Variants in APMAP observed in about 807,000 individuals in gnomAD.
The protein encoded by APMAP is adipocyte plasma membrane-associated protein.
A neutral mutation model predicts 43.6 loss-of-function variants in APMAP; 33 were observed. That is an observed-to-expected ratio of 0.76 (90% CI 0.57 to 1.01). The LOEUF (loss-of-function observed/expected upper bound fraction) is 1.01, where lower values mean the gene tolerates loss of function less well. Among genes scored for constraint, APMAP ranks in the 50% least tolerant of loss-of-function variants. The pLI, the probability that APMAP is intolerant of heterozygous loss-of-function variation, is 0.00. For synonymous variants in APMAP, 224 were observed against 216.7 expected (o/e 1.03, Z -0.30); for missense variants, 498 against 540.7 (o/e 0.92, Z 0.78).
chr20:24,986,445 C>T (rs1383430640), intron 1 of APMAP, among the ~76,000 whole-genome samples: 1 of 152,208 alleles, frequency 6.6e-6, no homozygotes, highest in South Asian at 2.1e-4. Context: ...GTCAGGTCAA[C>T]CTCTCCCTCC....
At chr20:24,980,792 G>A (rs967659076) in intron 2 of APMAP, among the ~76,000 whole-genome samples, 16 of 151,368 alleles carry the variant, frequency 1.1e-4, no homozygotes, top group African/African-American at 2.2e-4. Context: ...TCTACACACC[G>A]GGCAGTGTGG....
In APMAP at chr20:24,992,683, G is replaced by A; in HGVS notation, c.6C>T (p.Ser2=). Residue 2 remains serine (S), a synonymous_variant, in exon 1 of 9, where the codon AGC becomes AGT. Coordinates refer to ENST00000217456, the MANE Select transcript of APMAP (RefSeq NM_020531.3). M[S]EADGLRQRRP... ...GGCGCTGTCGCAGCCCGTCCGCCTC[G>A]CTCATGGTACGGGCGCCAGCCTCAC... The A allele has an allele frequency of 7.9e-6, 12 of 1,527,838 alleles. No homozygotes were observed. The highest frequency in any genetic ancestry group is 2.0e-5 in the Admixed American group (1 of 51,104). The allele number at this position is 1,527,838 out of a possible 1,614,324, so 94.6% of individuals were successfully genotyped here.
chr20:24,979,175 C>T (rs2088078465), intron 2 of APMAP, among the ~76,000 whole-genome samples: 2 of 152,348 alleles, frequency 1.3e-5, no homozygotes, highest in South Asian at 4.1e-4. Context: ...CTCCCCACCC[C>T]CATCCAATGC....
At chr20:24,975,723 T>C (rs2088045148) in intron 3 of APMAP, among the ~76,000 whole-genome samples, 1 of 152,184 alleles carries the variant, frequency 6.6e-6, no homozygotes, top group African/African-American at 2.4e-5. Context: ...CAATACAATA[T>C]TGAAGGAAAA....
chr20:24,983,079 CAT>C (rs781386826), intron 2 of APMAP, among the ~76,000 whole-genome samples: 24 of 152,262 alleles, frequency 1.6e-4, no homozygotes, highest in Non-Finnish European at 2.9e-4. Context: ...CTCAGCTACA[CAT>C]GTCAATCTAA....
intron 1 of APMAP, among the ~76,000 whole-genome samples, chr20:24,990,245 C>G (rs1001927554): frequency 1.3e-5 from 2 of 152,186 alleles, no homozygotes; most frequent in African/African-American, 4.8e-5. Context: ...ATTTCAAATA[C>G]AGTAATTCAA....
chr20:24,972,608 GGGGTGCTCACTACAGGTGCTTATTGCA>G (rs1284685592), intron 4 of APMAP, among the ~76,000 whole-genome samples: 11 of 151,804 alleles, frequency 7.2e-5, no homozygotes, highest in Non-Finnish European at 1.0e-4. Context: ...TGTTCACTGT[GGGGTGCTCACTACAGGTGCTTATTGCA>G]GGGTGCTCAC....
chr20:24,991,412 A>T (rs945566573), intron 1 of APMAP, among the ~76,000 whole-genome samples: 2 of 152,182 alleles, frequency 1.3e-5, no homozygotes, highest in Non-Finnish European at 2.9e-5. Context: ...GTCCAGGGCA[A>T]CGCAGGATGG....
rs758654243 is a variant in APMAP, at chr20:24,992,711, G to T, written c.-23C>A. On this transcript the variant is annotated 5_prime_UTR_variant, in exon 1 of 9. Transcript: ENST00000217456. ...CATGGTACGGGCGCCAGCCTCACCC[G>T]CAGAAACCACCTCACACTGAGCGGC... The T allele has an allele frequency of 2.7e-6, 4 of 1,491,722 alleles. No individual in the cohort carries two copies. Among genetic ancestry groups the T allele is most frequent in the African/African-American group, 2.8e-5 (2 of 70,756 alleles). 92.4% of individuals were successfully genotyped at this position (1,491,722 alleles called of 1,614,324 possible).
At chr20:24,987,373 C>T (rs2088156508) in intron 1 of APMAP, among the ~76,000 whole-genome samples, 1 of 152,318 alleles carries the variant, frequency 6.6e-6, no homozygotes, top group Middle Eastern at 3.4e-3. Flanking sequence ...GTCTTCCCAC[C>T]TTAGCCTTCC....
intron 2 of APMAP, among the ~76,000 whole-genome samples, chr20:24,983,038 T>C (rs1273103159): frequency 6.6e-6 from 1 of 152,232 alleles, no homozygotes; most frequent in Non-Finnish European, 1.5e-5. Flanking sequence ...CTTGTGCCTT[T>C]ACTATTCTAA....
chr20:24,967,285 G>C (rs1273852881), intron 8 of APMAP, among the ~76,000 whole-genome samples: 1 of 152,104 alleles, frequency 6.6e-6, no homozygotes, highest in Non-Finnish European at 1.5e-5. Context: ...ACAGGGCGAG[G>C]CTCCGTCTCA....
At chr20:24,983,764 T>C in intron 2 of APMAP, 139 bp downstream of exon 2, 1 of 578,702 alleles carries the variant, frequency 1.7e-6, no homozygotes, top group Non-Finnish European at 3.0e-6. Context: ...ACCCAGGTAC[T>C]AAAGAAATCA....
chr20:24,988,620 G>C (rs2088167329), intron 1 of APMAP, among the ~76,000 whole-genome samples: 1 of 152,194 alleles, frequency 6.6e-6, no homozygotes, highest in Non-Finnish European at 1.5e-5. Context: ...ACATCAAGAT[G>C]ACCTGGGCCA....
In APMAP at chr20:24,969,604, C is replaced by T. The variant is rs1157834240; in HGVS notation, c.770G>A (p.Arg257Gln). The T allele has an allele frequency of 5.6e-6, 9 of 1,614,088 alleles. No homozygotes were observed. Among genetic ancestry groups the T allele is most frequent in the African/African-American group, 2.7e-5 (2 of 75,036 alleles). Reference sequence around the variant, plus strand: ...AGACAGCTGGACTCCATTCGGGAACCGCAGCTGGTCCAATAAAACTTTTAC... The same window carrying T: ...AGACAGCTGGACTCCATTCGGGAACTGCAGCTGGTCCAATAAAACTTTTAC... ...REVKVLLDQL[R>Q]FPNGVQLSPA... The change falls in exon 7 of 9, where the codon CGG (arginine) becomes CAG (glutamine). Residue 257 changes from arginine to glutamine, a missense_variant. Physicochemically the swap from Arg to Gln is conservative, Grantham distance 43 (BLOSUM62 1). Transcript: ENST00000217456.
At chr20:24,986,093 C>T (rs2088145069) in intron 1 of APMAP, among the ~76,000 whole-genome samples, 1 of 152,222 alleles carries the variant, frequency 6.6e-6, no homozygotes, top group Admixed American at 6.5e-5. Context: ...CTGCTGCTTC[C>T]TCCTCCAGAG....
At chr20:24,972,743 G>C (rs753029812) in intron 4 of APMAP, among the ~76,000 whole-genome samples, 1 of 151,614 alleles carries the variant, frequency 6.6e-6, no homozygotes, top group Non-Finnish European at 1.5e-5. Flanking sequence ...TTACTGCAGG[G>C]TGTTCACTGT....
chr20:24,987,461 G>A (rs2122530693), intron 1 of APMAP, among the ~76,000 whole-genome samples: 1 of 152,300 alleles, frequency 6.6e-6, no homozygotes, highest in South Asian at 2.1e-4. Context: ...TGTGGGAGGG[G>A]GAAATGGGAG....
Position 24,965,466 on chromosome 20 carries a change from G to A in APMAP, c.1042-1444C>T, listed in dbSNP as rs6076307. Among the ~76,000 whole-genome samples, 846 of 152,372 alleles carry A rather than the reference G, an allele frequency of 5.6e-3. 4 individuals carry two copies. The highest frequency in any genetic ancestry group is 0.014 in the Middle Eastern group (4 of 294). On this transcript the variant is annotated intron_variant, in intron 8 of 8. Transcript: ENST00000217456. ...GCTGAGCAGGGTACATGTGTGCAGG[G>A]GATGGCAGACCATGGTGACCCAGAC...
Sources: gnomAD v4.1 joint callset for allele counts (sites outside exome capture counted in the v4.1 genomes callset) on GRCh38, gnomAD v4.1.1 for gene constraint, MANE v1.5 for transcripts, NCBI Gene and HGNC (gene_info 2026-07-23, HGNC 2026-07-21) for gene names.